Variants in MAGI2 observed in about 807,000 individuals in gnomAD.
The protein encoded by MAGI2 is membrane-associated guanylate kinase, WW and PDZ domain-containing protein 2.
Under a neutral mutation model 133.3 loss-of-function variants are expected in MAGI2, and 35 were observed. That is an observed-to-expected ratio of 0.26 (90% CI 0.20 to 0.35). The LOEUF is 0.35. Among genes scored for constraint, MAGI2 ranks in the 10% least tolerant of loss-of-function variants. The pLI is 1.00. For missense variants in MAGI2, 1,636 were observed against 1,863.4 expected (o/e 0.88, Z 2.25); for synonymous variants, 729 against 710.6 (o/e 1.03, Z -0.41).
At chr7:78,219,496 A>G (rs974304756) in intron 10 of MAGI2, among the ~76,000 whole-genome samples, 1 of 152,008 alleles carries the variant, frequency 6.6e-6, no homozygotes, top group Non-Finnish European at 1.5e-5. Context: ...GGTTGAGTTC[A>G]TTTTATCCTC....
At chr7:78,778,775 A>T (rs1441482689) in intron 2 of MAGI2, among the ~76,000 whole-genome samples, 1 of 152,170 alleles carries the variant, frequency 6.6e-6, no homozygotes, top group African/African-American at 2.4e-5. Flanking sequence ...TAATTTCCTC[A>T]CCTGTAAAAT....
chr7:78,513,270 T>C (rs1006478653), intron 4 of MAGI2, among the ~76,000 whole-genome samples: 1 of 152,134 alleles, frequency 6.6e-6, no homozygotes, highest in Non-Finnish European at 1.5e-5. Context: ...TGGGGCAAAA[T>C]TGGAGTCAAC....
chr7:78,353,744 C>T (rs937260750), intron 7 of MAGI2, among the ~76,000 whole-genome samples: 2 of 152,036 alleles, frequency 1.3e-5, no homozygotes, highest in African/African-American at 2.4e-5. Context: ...TAGAGGTGCT[C>T]AATAATATTC....
intron 1 of MAGI2, chr7:79,352,001 G>A (rs1422008652): frequency 6.6e-6 from 1 of 152,112 alleles, no homozygotes; most frequent in Non-Finnish European, 1.5e-5. Flanking sequence ...TTATTGAAAT[G>A]CGTTCCCTTT....
At chr7:78,888,778 A>G (rs892349965) in intron 2 of MAGI2, among the ~76,000 whole-genome samples, 19 of 152,158 alleles carry the variant, frequency 1.2e-4, no homozygotes, top group Admixed American at 7.2e-4. Context: ...AAAGATGGGG[A>G]AAAAACAGAG....
chr7:78,729,607 A>C (rs1448094911), intron 2 of MAGI2, among the ~76,000 whole-genome samples: 4 of 152,222 alleles, frequency 2.6e-5, no homozygotes, highest in African/African-American at 4.8e-5. Context: ...AGTGGTGTAC[A>C]AGAACCACAA....
intron 2 of MAGI2, among the ~76,000 whole-genome samples, chr7:78,765,688 C>T (rs539634564): frequency 6.6e-6 from 1 of 152,132 alleles, no homozygotes; most frequent in Non-Finnish European, 1.5e-5. Flanking sequence ...ATTTGAAGTC[C>T]TACAGATAGA....
At chr7:78,757,587 G>T (rs908319024) in intron 2 of MAGI2, among the ~76,000 whole-genome samples, 2 of 152,022 alleles carry the variant, frequency 1.3e-5, no homozygotes, top group Non-Finnish European at 2.9e-5. Flanking sequence ...AAAGCCAATG[G>T]ACATTAGTGA....
chr7:79,257,516 T>C (rs1833775676), intron 1 of MAGI2, among the ~76,000 whole-genome samples: 1 of 152,250 alleles, frequency 6.6e-6, no homozygotes. Context: ...GCTTAATTTA[T>C]CAGCTTGAAT....
At chr7:78,969,537 A>G (rs1803613314) in intron 2 of MAGI2, among the ~76,000 whole-genome samples, 1 of 152,064 alleles carries the variant, frequency 6.6e-6, no homozygotes, top group Admixed American at 6.6e-5. Context: ...TACAATATTT[A>G]GTTCACACCT....
intron 7 of MAGI2, among the ~76,000 whole-genome samples, chr7:78,357,500 A>C (rs1256075602): frequency 6.6e-6 from 1 of 152,200 alleles, no homozygotes; most frequent in Non-Finnish European, 1.5e-5. Flanking sequence ...TATTTATCTG[A>C]AAATATTATT....
At chr7:78,273,606 C>T (rs1046284927) in intron 9 of MAGI2, among the ~76,000 whole-genome samples, 3 of 152,130 alleles carry the variant, frequency 2.0e-5, no homozygotes, top group Non-Finnish European at 4.4e-5. Context: ...TCACATAGTT[C>T]CATATTTCTT....
chr7:78,923,783 G>T (rs1182069086), intron 2 of MAGI2, among the ~76,000 whole-genome samples: 1 of 151,932 alleles, frequency 6.6e-6, no homozygotes, highest in Non-Finnish European at 1.5e-5. Context: ...ATTACCTTGG[G>T]CAGTATGGCC....
intron 1 of MAGI2, among the ~76,000 whole-genome samples, chr7:79,380,214 T>C (rs1655361994): frequency 6.6e-6 from 1 of 151,812 alleles, no homozygotes; most frequent in African/African-American, 2.4e-5. Flanking sequence ...ACAGGCAACC[T>C]ACAGAATGGG....
intron 9 of MAGI2, among the ~76,000 whole-genome samples, chr7:78,319,336 A>G (rs1176433627): frequency 6.6e-6 from 1 of 151,762 alleles, no homozygotes; most frequent in African/African-American, 2.4e-5. Flanking sequence ...CAGGGGTTGC[A>G]ATCCCCTCAT....
chr7:78,739,465 A>AT (rs1254087580), intron 2 of MAGI2, among the ~76,000 whole-genome samples: 1 of 152,114 alleles, frequency 6.6e-6, no homozygotes, highest in African/African-American at 2.4e-5. Context: ...GAAATGAGAG[A>AT]TTTTTCTGGA....
In MAGI2 at chr7:79,091,327, A is replaced by G. The variant is rs75044411; in HGVS notation, c.302-84121T>C. The stretch of plus-strand genomic sequence containing the variant: ...CAATAGTCTATGAAACGTCACACCA[A>G]GCATCATAACTCTTTCAGAGAAATA... On this transcript the variant is annotated intron_variant, in intron 1 of 21. Coordinates refer to ENST00000354212, the MANE Select transcript of MAGI2 (RefSeq NM_012301.4). Among the ~76,000 whole-genome samples the G allele has an allele frequency of 8.0e-4, 122 of 152,284 alleles. 1 individual carries two copies. The highest frequency in any genetic ancestry group is 2.8e-3 in the African/African-American group (115 of 41,572).
intron 1 of MAGI2, among the ~76,000 whole-genome samples, chr7:79,043,654 T>A (rs1811895916): frequency 1.3e-5 from 2 of 148,402 alleles, no homozygotes. Context: ...CTAGGTAGAC[T>A]AATAAAGAAA....
At chr7:78,176,023 T>C (rs1003459915) in intron 14 of MAGI2, among the ~76,000 whole-genome samples, 3 of 152,250 alleles carry the variant, frequency 2.0e-5, no homozygotes, top group African/African-American at 7.2e-5. Flanking sequence ...CTCTCTATTA[T>C]AAAACAAGGT....
Sources: gnomAD v4.1 joint callset for allele counts (sites outside exome capture counted in the v4.1 genomes callset) on GRCh38, gnomAD v4.1.1 for gene constraint, MANE v1.5 for transcripts, NCBI Gene and HGNC (gene_info 2026-07-23, HGNC 2026-07-21) for gene names.